Variants in KAT6B observed in about 807,000 individuals in gnomAD.
The protein encoded by KAT6B is histone acetyltransferase KAT6B.
KAT6B carries 10 observed loss-of-function variants against 187.5 expected under a neutral mutation model. The observed-to-expected ratio is 0.05, with a 90% CI of 0.03 to 0.09. The LOEUF (loss-of-function observed/expected upper bound fraction) is 0.09. KAT6B is among the 10% of genes least tolerant of loss of function. The pLI, the probability that KAT6B is intolerant of heterozygous loss-of-function variation, is 1.00. For missense variants in KAT6B, 1,952 were observed against 2,558.9 expected (o/e 0.76, Z 5.12); for synonymous variants, 861 against 926.8 (o/e 0.93, Z 1.29).
intron 3 of KAT6B, among the ~76,000 whole-genome samples, chr10:74,911,287 T>TG (rs974796169): frequency 6.6e-6 from 1 of 151,792 alleles, no homozygotes; most frequent in African/African-American, 2.4e-5. Context: ...TTTTTTTTTT[T>TG]TGAGACTAAG....
At chr10:74,990,125 G>A (rs973462711) in intron 13 of KAT6B, among the ~76,000 whole-genome samples, 4 of 149,114 alleles carry the variant, frequency 2.7e-5, no homozygotes, top group Admixed American at 1.3e-4. Flanking sequence ...AACCCGGGAG[G>A]TGGAGGTTGC....
intron 3 of KAT6B, among the ~76,000 whole-genome samples, chr10:74,864,650 T>C (rs1320801927): frequency 1.3e-5 from 2 of 152,176 alleles, no homozygotes. Flanking sequence ...CAAGTGATTC[T>C]TCCCCCTCAG....
intron 1 of KAT6B, among the ~76,000 whole-genome samples, chr10:74,832,562 C>T (rs917107322): frequency 3.9e-5 from 6 of 152,124 alleles, no homozygotes; most frequent in East Asian, 2.0e-4. Context: ...AGTGCAATGG[C>T]GTAATCTTGG....
chr10:74,915,581 G>A lies in KAT6B; in HGVS notation c.622-44389G>A, dbSNP rs78346444. On this transcript the variant is annotated intron_variant, in intron 3 of 17. Transcript: ENST00000287239. ...TTGTCTCATTGTAAACCCCAGTAAG[G>A]CAGGAACTGTATCTCTCTGTATCCC... Among the ~76,000 whole-genome samples, 379 of 152,298 alleles carry A rather than the reference G, an allele frequency of 2.5e-3. 2 individuals are homozygous for A. Among genetic ancestry groups the A allele is most frequent in the Middle Eastern group, 0.014 (4 of 294 alleles).
chr10:74,910,220 C>T (rs1011892696), intron 3 of KAT6B, among the ~76,000 whole-genome samples: 2 of 152,072 alleles, frequency 1.3e-5, no homozygotes, highest in African/African-American at 4.8e-5. Context: ...GTCGCTTGAA[C>T]CCAGGAGGCG....
chr10:74,847,581 T>A (rs1842193908), intron 3 of KAT6B, among the ~76,000 whole-genome samples: 1 of 152,058 alleles, frequency 6.6e-6, no homozygotes. Flanking sequence ...GGAGAATTGC[T>A]TGAACTTGGG....
At chr10:74,921,496 T>C (rs1017682950) in intron 3 of KAT6B, among the ~76,000 whole-genome samples, 1 of 152,208 alleles carries the variant, frequency 6.6e-6, no homozygotes, top group African/African-American at 2.4e-5. Flanking sequence ...TGGGCATCTA[T>C]CAAGGCATTT....
chr10:74,925,987 C>T (rs747137795), intron 3 of KAT6B, among the ~76,000 whole-genome samples: 14 of 152,186 alleles, frequency 9.2e-5, no homozygotes, highest in Admixed American at 2.6e-4. Context: ...CAGATAACTG[C>T]GCAGTACAGT....
At chr10:74,961,904 G>A (rs948368705) in intron 4 of KAT6B, among the ~76,000 whole-genome samples, 2 of 152,194 alleles carry the variant, frequency 1.3e-5, no homozygotes, top group African/African-American at 4.8e-5. Context: ...GAGGGTTTAT[G>A]TGGCTGGTGT....
At chr10:74,964,657 C>T (rs1841334944) in intron 4 of KAT6B, among the ~76,000 whole-genome samples, 1 of 152,160 alleles carries the variant, frequency 6.6e-6, no homozygotes, top group Non-Finnish European at 1.5e-5. Flanking sequence ...TCCAGAACAG[C>T]TCATCAACCT....
At chr10:74,852,632 T>C (rs1300378918) in intron 3 of KAT6B, among the ~76,000 whole-genome samples, 1 of 152,240 alleles carries the variant, frequency 6.6e-6, no homozygotes, top group East Asian at 1.9e-4. Context: ...CTCTGAGGCA[T>C]GACAGCGTGT....
intron 3 of KAT6B, among the ~76,000 whole-genome samples, chr10:74,912,872 T>G (rs1039334080): frequency 1.3e-5 from 2 of 152,216 alleles, no homozygotes; most frequent in Non-Finnish European, 2.9e-5. Context: ...GCTGGCCTGA[T>G]TCCCCAACAT....
At chr10:75,010,358 T>C (rs1237912969) in intron 13 of KAT6B, among the ~76,000 whole-genome samples, 1 of 152,250 alleles carries the variant, frequency 6.6e-6, no homozygotes, top group Non-Finnish European at 1.5e-5. Flanking sequence ...ACTTTGATTT[T>C]AGAAAGTTAT....
chr10:74,869,216 A>G (rs958622359), intron 3 of KAT6B, among the ~76,000 whole-genome samples: 5 of 152,056 alleles, frequency 3.3e-5, no homozygotes, highest in African/African-American at 9.7e-5. Context: ...CTTTCACACA[A>G]CTATAATCAA....
At chr10:74,986,648 G>T (rs567968106) in intron 12 of KAT6B, among the ~76,000 whole-genome samples, 1 of 152,168 alleles carries the variant, frequency 6.6e-6, no homozygotes, top group Non-Finnish European at 1.5e-5. Flanking sequence ...AAGTTAATTT[G>T]CACATTACAA....
chr10:74,861,464 G>A (rs946203444), intron 3 of KAT6B, among the ~76,000 whole-genome samples: 1 of 152,198 alleles, frequency 6.6e-6, no homozygotes, highest in Non-Finnish European at 1.5e-5. Flanking sequence ...TACTTCAAGT[G>A]CTTTGTGTAT....
chr10:75,006,704 C>T (rs1169666408), intron 13 of KAT6B, among the ~76,000 whole-genome samples: 6 of 152,092 alleles, frequency 3.9e-5, no homozygotes, highest in South Asian at 2.1e-4. Context: ...GGCTTCCCAA[C>T]GTGATAGGAT....
chr10:74,876,649 C>T (rs1289657864), intron 3 of KAT6B, among the ~76,000 whole-genome samples: 2 of 152,050 alleles, frequency 1.3e-5, no homozygotes, highest in Non-Finnish European at 2.9e-5. Flanking sequence ...TGTGGTGGCT[C>T]ATGCCTGTAA....
At chr10:74,939,642 G>T (rs908616855) in intron 3 of KAT6B, among the ~76,000 whole-genome samples, 3 of 152,094 alleles carry the variant, frequency 2.0e-5, no homozygotes, top group Non-Finnish European at 4.4e-5. Flanking sequence ...CTTGTGATTC[G>T]CCCGCCTCGG....
Sources: allele counts gnomAD v4.1 joint callset (sites outside exome capture counted in the v4.1 genomes callset), GRCh38; gene constraint gnomAD v4.1.1; transcripts MANE v1.5; gene names NCBI Gene and HGNC (gene_info 2026-07-23, HGNC 2026-07-21).